Variants in GCLC observed in about 807,000 individuals in gnomAD.
The protein encoded by GCLC is glutamate--cysteine ligase catalytic subunit.
A neutral mutation model predicts 81.5 loss-of-function variants in GCLC; 30 were observed. That is an observed-to-expected ratio of 0.37 (90% CI 0.28 to 0.50). GCLC has a LOEUF of 0.50. GCLC is among the 20% of genes least tolerant of loss of function. The pLI, the probability that GCLC is intolerant of heterozygous loss-of-function variation, is 0.96. For synonymous variants in GCLC, 262 were observed against 273.3 expected, an observed-to-expected ratio of 0.96 and a Z score of 0.41; for missense variants, 556 against 777.4, an observed-to-expected ratio of 0.72 and a Z score of 3.39.
At chr6:53,510,631 T>G (rs979989556) in intron 6 of GCLC, among the ~76,000 whole-genome samples, 3 of 152,204 alleles carry the variant, frequency 2.0e-5, no homozygotes, top group Non-Finnish European at 4.4e-5. Flanking sequence ...GAATTTAGTG[T>G]TGGTACACGA....
intron 3 of GCLC, among the ~76,000 whole-genome samples, chr6:53,520,554 C>G (rs1409257096): frequency 2.0e-5 from 3 of 152,192 alleles, no homozygotes; most frequent in Non-Finnish European, 2.9e-5. Flanking sequence ...ACTGAGCCCC[C>G]ACTGAGTGCA....
rs1762977286 is a variant in GCLC, at chr6:53,520,720, C to T, written c.446+58G>A. On this transcript the variant is annotated intron_variant, in intron 3 of 15. Coordinates refer to ENST00000650454, the MANE Select transcript of GCLC (RefSeq NM_001498.4). ...TGGAATGCCCGGGTCGTGACTTGCT[C>T]TTTTCATTACCTGTATCTCTGAGAG... 2.7e-6 allele frequency: 4 copies of T among 1,461,316 alleles called. No individual in the cohort carries two copies. The East Asian group carries it at 9.0e-5, about 33-fold the overall frequency. The allele number at this position is 1,461,316 out of a possible 1,614,324, so 90.5% of individuals were successfully genotyped here.
chr6:53,499,775 ATAAG>A, intron 15 of GCLC, among the ~76,000 whole-genome samples: 1 of 152,324 alleles, frequency 6.6e-6, no homozygotes, highest in Non-Finnish European at 1.5e-5. Context: ...GACGTAAATG[ATAAG>A]TAAGCAATCC....
In GCLC at chr6:53,506,783, TTG is replaced by T; in HGVS notation, c.1197+128_1197+129del. The stretch of plus-strand genomic sequence containing the variant: ...AAATGAAAGTCTTATGAAATTTCTT[TTG>T]TGTTCTCCACAGGTACAGAAAACTG... On this transcript the variant is annotated intron_variant, in intron 10 of 15. Coordinates refer to ENST00000650454, the MANE Select transcript of GCLC (RefSeq NM_001498.4). The surrounding 1 kb of genome is among the most constrained non-coding windows in gnomAD (Gnocchi z 4.0). 1.5e-6 allele frequency: 1 copy of T among 674,058 alleles called. No individual in the cohort carries two copies. Among genetic ancestry groups the T allele is most frequent in the South Asian group, 1.7e-5 (1 of 59,120 alleles). 41.8% of individuals were successfully genotyped at this position (674,058 alleles called of 1,614,324 possible). A position where few individuals can be genotyped will look rare whatever the true frequency, so the allele number is the denominator to read the frequency against.
In GCLC at chr6:53,505,372, A is replaced by G; in HGVS notation, c.1395+20T>C. ...TACAGATAGATCTATACCCATCACCATAAAGAAACATATCCTTACCTTTGA... is the reference window on the plus strand; with the variant it reads ...TACAGATAGATCTATACCCATCACCGTAAAGAAACATATCCTTACCTTTGA... On this transcript the variant is annotated intron_variant, in intron 12 of 15. Coordinates refer to ENST00000650454, the MANE Select transcript of GCLC (RefSeq NM_001498.4). 1 of 1,050,518 alleles carries G rather than the reference A, an allele frequency of 9.5e-7. No individual in the cohort carries two copies. The highest frequency in any genetic ancestry group is 2.4e-5 in the East Asian group (1 of 41,804). The allele number at this position is 1,050,518 out of a possible 1,614,324, so 65.1% of individuals were successfully genotyped here.
In GCLC at chr6:53,521,102, A is replaced by G. The variant is rs568217460; in HGVS notation, c.264-142T>C. ...AAGTCCTTCACAGTTCTCAGTGATTATTACTTTTCCATAGCTATTCAACTA... is the reference window on the plus strand; with the variant it reads ...AAGTCCTTCACAGTTCTCAGTGATTGTTACTTTTCCATAGCTATTCAACTA... On this transcript the variant is annotated intron_variant, in intron 2 of 15. Transcript: ENST00000650454. The G allele has an allele frequency of 1.4e-5, 10 of 722,430 alleles. No homozygotes were observed. In the African/African-American group the frequency reaches 1.6e-4, roughly 11 times the overall value. The allele number at this position is 722,430 out of a possible 1,614,324, so 44.8% of individuals were successfully genotyped here.
intron 1 of GCLC, among the ~76,000 whole-genome samples, chr6:53,528,319 T>G (rs1388675086): frequency 6.6e-6 from 1 of 152,214 alleles, no homozygotes; most frequent in Non-Finnish European, 1.5e-5. Flanking sequence ...ACATCACAAA[T>G]AGGAAAACCA....
rs1763417394 is a variant in GCLC, at chr6:53,544,653, C to CCT, written c.-9_-8insAG. ...CTGGGACAGCAGCCCCATGGCCGCCCCCTCCTCCTCCTCCTCCTCCTCCGG... is the reference window on the plus strand; with the variant it reads ...CTGGGACAGCAGCCCCATGGCCGCCCCTCCTCCTCCTCCTCCTCCTCCTCCGG... On this transcript the variant is annotated 5_prime_UTR_variant, in exon 1 of 16. Transcript: ENST00000650454. The CCT allele has an allele frequency of 1.3e-6, 2 of 1,550,958 alleles. No homozygotes were observed. The highest frequency in any genetic ancestry group is 1.7e-6 in the Non-Finnish European group (2 of 1,150,360).
chr6:53,532,265 C>T (rs1763186109), intron 1 of GCLC, among the ~76,000 whole-genome samples: 1 of 152,252 alleles, frequency 6.6e-6, no homozygotes, highest in African/African-American at 2.4e-5. Flanking sequence ...ACATCTGGAC[C>T]TGCTTTGGGC....
intron 1 of GCLC, among the ~76,000 whole-genome samples, chr6:53,533,369 AC>A (rs1445742021): frequency 2.0e-5 from 3 of 152,168 alleles, no homozygotes; most frequent in Non-Finnish European, 4.4e-5. Context: ...TTGTTGCCAG[AC>A]GCCCCCAGTA....
rs1764440434 is a variant in GCLC, at chr6:53,498,933, C to T, written c.1737G>A (p.Glu579=). Residue 579 remains glutamate (E), a synonymous_variant, in exon 16 of 16, where the codon GAG becomes GAA. Transcript: ENST00000650454. ...ELMTVARWMR[E]FIANHPDYKQ... ...TGTAGTCAGGATGGTTTGCGATAAA[C>T]TCCCTCATCCATCTGGCAACTGTCA... 1 of 1,613,470 alleles carries T rather than the reference C, an allele frequency of 6.2e-7. No homozygotes were observed. The highest frequency in any genetic ancestry group is 2.2e-5 in the East Asian group (1 of 44,880).
At chr6:53,518,920 G>A (rs929355287) in intron 3 of GCLC, among the ~76,000 whole-genome samples, 3 of 152,154 alleles carry the variant, frequency 2.0e-5, no homozygotes, top group Non-Finnish European at 4.4e-5. Flanking sequence ...AAGCCTTGAT[G>A]TGTCTTCTCT....
intron 1 of GCLC, among the ~76,000 whole-genome samples, chr6:53,535,216 C>A (rs1461591780): frequency 6.6e-6 from 1 of 152,112 alleles, no homozygotes; most frequent in Non-Finnish European, 1.5e-5. Flanking sequence ...AACCTCATCT[C>A]TTAAAAATAA....
At chr6:53,500,012 ATAT>A in intron 15 of GCLC, 30 bp downstream of exon 15, 4 of 1,465,122 alleles carry the variant, frequency 2.7e-6, no homozygotes, top group Non-Finnish European at 3.8e-6. Flanking sequence ...CATGCTGTCT[ATAT>A]TATGAGATTA....
At chr6:53,539,048 A>T (rs192422715) in intron 1 of GCLC, among the ~76,000 whole-genome samples, 1 of 152,346 alleles carries the variant, frequency 6.6e-6, no homozygotes, top group East Asian at 1.9e-4. Flanking sequence ...GGCAGCTAAC[A>T]CTGGAGTCAT....
In GCLC at chr6:53,544,961, G is replaced by T. The variant is rs536915984; in HGVS notation, c.-316C>A. On this transcript the variant is annotated 5_prime_UTR_variant, in exon 1 of 16. Coordinates refer to ENST00000650454, the MANE Select transcript of GCLC (RefSeq NM_001498.4). ...CCTCCTCCCGCTCCGATGCGGCGGC[G>T]GCGGACCCCACGGCCGCGCTGCCGC... 177 of 209,970 alleles carry T rather than the reference G, an allele frequency of 8.4e-4. No individual in the cohort carries two copies. The highest frequency in any genetic ancestry group is 3.8e-3 in the African/African-American group (167 of 43,410). The allele number at this position is 209,970 out of a possible 1,614,324, so 13.0% of individuals were successfully genotyped here.
chr6:53,536,590 T>C (rs778862780), intron 1 of GCLC, among the ~76,000 whole-genome samples: 9 of 152,220 alleles, frequency 5.9e-5, no homozygotes, highest in Non-Finnish European at 7.3e-5. Flanking sequence ...ATGCTTCATA[T>C]ACAGTTTTCT....
Position 53,505,410 on chromosome 6 carries a change from A to G in GCLC, c.1377T>C (p.Phe459=). ...TRVILSYKLD[F]LIPLSKVDEN... Reference sequence around the variant, plus strand: ...TCCTTACCTTTGACAGTGGAATGAGAAAATCCAATTTGTAGGAAAGGATCA... The same window carrying G: ...TCCTTACCTTTGACAGTGGAATGAGGAAATCCAATTTGTAGGAAAGGATCA... Residue 459 remains phenylalanine, a synonymous_variant, in exon 12 of 16, where the codon TTT becomes TTC. Coordinates refer to ENST00000650454, the MANE Select transcript of GCLC (RefSeq NM_001498.4). 2 of 1,567,278 alleles carry G rather than the reference A, an allele frequency of 1.3e-6. No individual in the cohort carries two copies. The highest frequency in any genetic ancestry group is 1.8e-6 in the Non-Finnish European group (2 of 1,137,340).
rs766777672 is a variant in GCLC at position 53,498,893 on chromosome 6, T to C, written c.1777A>G (p.Ile593Val). Residue 593 changes from isoleucine (I) to valine (V), a missense_variant, in exon 16 of 16, where the codon ATA becomes GTA. This residue lies in a region of GCLC where 313 missense variants were observed against 437.3 expected (regional missense o/e 0.72). Transcript: ENST00000650454. ...AGGCTATAATTCATTTCATCAGTTA[T>C]GACACTGTCTTGCTTGTAGTCAGGA... ...NHPDYKQDSV[I>V]TDEMNYSLIL... is the part of the protein sequence containing the mutation. The C allele has an allele frequency of 5.6e-6, 9 of 1,612,872 alleles. No homozygotes were observed. Among genetic ancestry groups the C allele is most frequent in the Non-Finnish European group, 5.1e-6 (6 of 1,178,930 alleles).
Sources: gnomAD v4.1 joint callset for allele counts (sites outside exome capture counted in the v4.1 genomes callset) on GRCh38, gnomAD v4.1.1 for gene constraint, gnomAD v4.1.1 regional missense constraint, Gnocchi (gnomAD v3.1) non-coding constraint, MANE v1.5 for transcripts, NCBI Gene and HGNC (gene_info 2026-07-23, HGNC 2026-07-21) for gene names.